NFKB1: variants seen among roughly 807,000 people sequenced by gnomAD.
NFKB1 encodes nuclear factor NF-kappa-B p105 subunit.
A neutral mutation model predicts 105.1 loss-of-function variants in NFKB1; 9 were observed. That is an observed-to-expected ratio of 0.09 (90% CI 0.05 to 0.15). The LOEUF is 0.15. NFKB1 is among the 10% of genes least tolerant of loss of function. The probability of loss-of-function intolerance (pLI) is 1.00; values close to 1 mark genes in which losing one functional copy is unlikely to be tolerated. For synonymous variants in NFKB1, 440 were observed against 442.2 expected (o/e 1.00, Z 0.06); for missense variants, 830 against 1,203.7 (o/e 0.69, Z 4.59).
At chr4:102,609,022 A>G (rs765162330) in intron 19 of NFKB1, among the ~76,000 whole-genome samples, 14 of 152,070 alleles carry the variant, frequency 9.2e-5, no homozygotes, top group Non-Finnish European at 2.1e-4. Flanking sequence ...GCATGGTGGC[A>G]TGCGCCTATA....
At chr4:102,610,761 A>G in intron 20 of NFKB1, 62 bp downstream of exon 20, 2 of 1,582,448 alleles carry the variant, frequency 1.3e-6, no homozygotes, top group Non-Finnish European at 1.7e-6. Flanking sequence ...CAGGAATGTA[A>G]GAACAGATGG....
At chr4:102,577,103 AATT>A in intron 7 of NFKB1, 64 bp downstream of exon 7, 1 of 1,509,272 alleles carries the variant, frequency 6.6e-7, no homozygotes, top group Non-Finnish European at 8.9e-7. Context: ...CATCTGTATG[AATT>A]ATATGTTCAT....
intron 2 of NFKB1, among the ~76,000 whole-genome samples, chr4:102,529,511 T>C (rs899760487): frequency 3.3e-5 from 5 of 152,222 alleles, no homozygotes. Context: ...GTATCTGTTC[T>C]GTGATAAGCA....
chr4:102,569,655 G>T (rs943677038), intron 6 of NFKB1, among the ~76,000 whole-genome samples: 3 of 152,008 alleles, frequency 2.0e-5, no homozygotes, highest in Non-Finnish European at 1.5e-5. Flanking sequence ...CCAAAAAATG[G>T]CAATGAGAAG....
chr4:102,614,733 C>T (rs537548167), intron 23 of NFKB1, among the ~76,000 whole-genome samples: 18 of 152,136 alleles, frequency 1.2e-4, no homozygotes, highest in East Asian at 7.8e-4. Context: ...AACTTCAGAC[C>T]GTCTCCATTC....
At chr4:102,550,590 C>T (rs1022587460) in intron 5 of NFKB1, among the ~76,000 whole-genome samples, 13 of 152,162 alleles carry the variant, frequency 8.5e-5, no homozygotes, top group Non-Finnish European at 1.8e-4. Context: ...ATGATAGCAG[C>T]ATGCTTACTC....
Position 102,584,829 on chromosome 4 carries a change from G to A in NFKB1, c.1066+9G>A, listed in dbSNP as rs2149192721. On this transcript the variant is annotated intron_variant, in intron 11 of 23. Transcript: ENST00000226574. ...CTATCCTGAAATCAAAGGTAAGTCA[G>A]TTGTTTAAAATCTTATGCTCATATT... 2 of 1,586,298 alleles carry A rather than the reference G, an allele frequency of 1.3e-6. No individual in the cohort carries two copies. Among genetic ancestry groups the A allele is most frequent in the East Asian group, 4.5e-5 (2 of 44,604 alleles).
At chr4:102,606,442 TGTAA>T (rs4648092) in intron 16 of NFKB1, 50 bp from the exon 17 acceptor site, 31,703 of 1,539,958 alleles carry the variant, frequency 0.021, 625 homozygotes, top group African/African-American at 0.1. Context: ...AGCTGTGAGT[TGTAA>T]GTAAGTATTC....
At chr4:102,611,202 G>T (rs1728378109) in intron 20 of NFKB1, among the ~76,000 whole-genome samples, 1 of 152,148 alleles carries the variant, frequency 6.6e-6, no homozygotes, top group Admixed American at 6.5e-5. Flanking sequence ...AGGTCATTTG[G>T]CCCCAGGAAG....
chr4:102,574,552 C>G (rs1409140340), intron 6 of NFKB1, among the ~76,000 whole-genome samples: 2 of 152,214 alleles, frequency 1.3e-5, no homozygotes, highest in Non-Finnish European at 2.9e-5. Context: ...CAATATTTAA[C>G]TGTGTCTCCT....
chr4:102,594,806 G>T, intron 12 of NFKB1, 86 bp from the exon 13 acceptor site: 1 of 927,394 alleles, frequency 1.1e-6, no homozygotes, highest in Admixed American at 1.9e-5. Context: ...CAAAGGCTGT[G>T]CTCACCTGAG....
chr4:102,592,912 T>G (rs977429552), intron 11 of NFKB1, among the ~76,000 whole-genome samples: 1 of 152,226 alleles, frequency 6.6e-6, no homozygotes, highest in Non-Finnish European at 1.5e-5. Flanking sequence ...ATTTAATGTA[T>G]GTCCTGTTAT....
chr4:102,595,239 AAC>A (rs1157747095), intron 13 of NFKB1, among the ~76,000 whole-genome samples: 2 of 152,204 alleles, frequency 1.3e-5, no homozygotes, highest in African/African-American at 4.8e-5. Context: ...GAAAAGAGAC[AAC>A]AGAGACCTGA....
intron 17 of NFKB1, 61 bp downstream of exon 17, chr4:102,606,758 A>G (rs1727784229): frequency 6.6e-7 from 1 of 1,511,308 alleles, no homozygotes; most frequent in Non-Finnish European, 9.0e-7. Context: ...TCTACTAGGT[A>G]TTTGATAAAC....
At chr4:102,577,895 T>C in intron 7 of NFKB1, 1 of 985,440 alleles carries the variant, frequency 1.0e-6, no homozygotes, top group Non-Finnish European at 1.2e-6. Context: ...AGTTTACATC[T>C]TGTAGCCAGA....
rs1379180728 is a variant in NFKB1 at position 102,616,716 on chromosome 4, C to T, written c.*122C>T. On this transcript the variant is annotated 3_prime_UTR_variant, in exon 24 of 24. Transcript: ENST00000226574. ...AGAGCCGGCCCGCCTGAATCATTCTCGATTTAACTCGAGACCTTTTCAACT... is the reference window on the plus strand; with the variant it reads ...AGAGCCGGCCCGCCTGAATCATTCTTGATTTAACTCGAGACCTTTTCAACT... The T allele has an allele frequency of 6.2e-6, 6 of 975,302 alleles. No individual in the cohort carries two copies. The Admixed American group carries it at 1.4e-4, about 23-fold the overall frequency. The allele number at this position is 975,302 out of a possible 1,614,324, so 60.4% of individuals were successfully genotyped here. A position where few individuals can be genotyped will look rare whatever the true frequency, so the allele number is the denominator to read the frequency against.
intron 1 of NFKB1, chr4:102,511,064 G>A (rs921732455): frequency 6.6e-6 from 4 of 602,654 alleles, no homozygotes; most frequent in African/African-American, 1.9e-5. Context: ...TTCCATCTTC[G>A]TATAGTGTGA....
chr4:102,515,107 A>ATTTTTTTTTTTTTT (rs34257045), intron 1 of NFKB1, among the ~76,000 whole-genome samples: 2 of 95,656 alleles, frequency 2.1e-5, no homozygotes, highest in Non-Finnish European at 3.9e-5. Context: ...TATTATTATT[A>ATTTTTTTTTTTTTT]TTTTTTTTTT....
chr4:102,616,066 G>C (rs950839998), intron 23 of NFKB1, among the ~76,000 whole-genome samples: 1 of 152,194 alleles, frequency 6.6e-6, no homozygotes, highest in Non-Finnish European at 1.5e-5. Context: ...TTTTGCTGAG[G>C]TTCAGCAGTT....
Sources: allele counts gnomAD v4.1 joint callset (sites outside exome capture counted in the v4.1 genomes callset), GRCh38; gene constraint gnomAD v4.1.1; transcripts MANE v1.5; gene names NCBI Gene and HGNC (gene_info 2026-07-23, HGNC 2026-07-21).